Variants in NEGR1 observed in about 807,000 individuals in gnomAD.
The protein encoded by NEGR1 is IgLON family member 4.
Under a neutral mutation model 40.9 loss-of-function variants are expected in NEGR1, and 10 were observed. That is an observed-to-expected ratio of 0.24 (90% CI 0.15 to 0.42). The LOEUF is 0.42. Ranked by LOEUF, NEGR1 falls within the 10% of genes least tolerant of loss-of-function variation. NEGR1 has a pLI of 1.00. For synonymous variants in NEGR1, 185 were observed against 166.8 expected (o/e 1.11, Z -0.84); for missense variants, 352 against 438.9 (o/e 0.80, Z 1.77).
intron 1 of NEGR1, among the ~76,000 whole-genome samples, chr1:72,033,767 T>C (rs1253738808): frequency 6.6e-6 from 1 of 152,162 alleles, no homozygotes; most frequent in Non-Finnish European, 1.5e-5. Flanking sequence ...AGTAAAAGCA[T>C]GGATCTACAT....
intron 2 of NEGR1, among the ~76,000 whole-genome samples, chr1:71,822,886 G>C (rs769464650): frequency 6.6e-6 from 1 of 152,046 alleles, no homozygotes; most frequent in Non-Finnish European, 1.5e-5. Context: ...AATCCAGACT[G>C]CTGACCATAT....
At chr1:71,798,802 C>T (rs1450548976) in intron 2 of NEGR1, among the ~76,000 whole-genome samples, 1 of 152,142 alleles carries the variant, frequency 6.6e-6, no homozygotes. Context: ...CTTAGCTCCT[C>T]ACAGAGCTGA....
intron 2 of NEGR1, among the ~76,000 whole-genome samples, chr1:71,799,668 A>G (rs193296968): frequency 1.3e-4 from 20 of 152,220 alleles, no homozygotes; most frequent in African/African-American, 4.6e-4. Context: ...CCAACAGTAT[A>G]AAAGTGTTCT....
intron 2 of NEGR1, among the ~76,000 whole-genome samples, chr1:71,908,658 T>G (rs1314817060): frequency 1.3e-5 from 2 of 152,328 alleles, no homozygotes; most frequent in Admixed American, 6.5e-5. Flanking sequence ...CCAAAGTCAT[T>G]AACTTCTGGT....
chr1:71,544,765 G>A (rs578208581), intron 6 of NEGR1, among the ~76,000 whole-genome samples: 15 of 151,800 alleles, frequency 9.9e-5, no homozygotes, highest in Admixed American at 7.9e-4. Context: ...TGGTATCAAT[G>A]AGAATAGTTT....
At chr1:72,022,974 C>T (rs1039911271) in intron 1 of NEGR1, among the ~76,000 whole-genome samples, 6 of 152,126 alleles carry the variant, frequency 3.9e-5, no homozygotes, top group Admixed American at 3.9e-4. Flanking sequence ...TGTCCTTCTC[C>T]ATTCATTAAA....
At chr1:71,677,858 A>G (rs1218269317) in intron 4 of NEGR1, among the ~76,000 whole-genome samples, 2 of 152,206 alleles carry the variant, frequency 1.3e-5, no homozygotes, top group Non-Finnish European at 2.9e-5. Context: ...TGAAGAAAGA[A>G]TCAAGATTAT....
chr1:71,420,055 T>C (rs1646384582), intron 6 of NEGR1, among the ~76,000 whole-genome samples: 1 of 152,140 alleles, frequency 6.6e-6, no homozygotes, highest in Non-Finnish European at 1.5e-5. Context: ...TTTGTAGATA[T>C]TGCAAATTTG....
chr1:71,922,054 T>TA (rs1381057278), intron 2 of NEGR1, among the ~76,000 whole-genome samples: 1 of 152,120 alleles, frequency 6.6e-6, no homozygotes, highest in African/African-American at 2.4e-5. Context: ...AAGAAGCCGC[T>TA]AATACTTTTG....
chr1:71,683,702 C>A (rs1173598804), intron 4 of NEGR1, among the ~76,000 whole-genome samples: 2 of 151,158 alleles, frequency 1.3e-5, no homozygotes, highest in Middle Eastern at 3.2e-3. Context: ...TTCCTTCACT[C>A]TGGGTTGTTT....
intron 1 of NEGR1, among the ~76,000 whole-genome samples, chr1:72,214,433 T>G (rs1303023498): frequency 6.6e-6 from 1 of 152,182 alleles, no homozygotes; most frequent in African/African-American, 2.4e-5. Context: ...TTATCTCTGC[T>G]TGCAGATAAC....
intron 2 of NEGR1, among the ~76,000 whole-genome samples, chr1:71,855,614 T>C (rs190740456): frequency 6.6e-6 from 1 of 152,196 alleles, no homozygotes; most frequent in East Asian, 1.9e-4. Flanking sequence ...TATGCTTAAT[T>C]ATCCTTACGG....
chr1:71,910,412 G>A (rs571875757), intron 2 of NEGR1, among the ~76,000 whole-genome samples: 212 of 152,284 alleles, frequency 1.4e-3, no homozygotes, highest in African/African-American at 4.7e-3. Flanking sequence ...AAAGACAGAC[G>A]TGATTATTCT....
intron 1 of NEGR1, among the ~76,000 whole-genome samples, chr1:72,264,391 T>C (rs1044660849): frequency 1.3e-5 from 2 of 151,088 alleles, no homozygotes; most frequent in Non-Finnish European, 3.0e-5. Flanking sequence ...TTCAAAGATA[T>C]GAAAGAAATA....
At chr1:71,686,608 G>A (rs984477039) in intron 4 of NEGR1, among the ~76,000 whole-genome samples, 5 of 152,160 alleles carry the variant, frequency 3.3e-5, no homozygotes, top group Admixed American at 6.5e-5. Flanking sequence ...CTCAGTCACA[G>A]GGCCAAAGCT....
At position 71,907,728 on chromosome 1, in the gene NEGR1, T is replaced by C. The variant is rs72931791; in HGVS notation, c.409+27351A>G. 4.9e-3 allele frequency among the ~76,000 whole-genome samples: 747 copies of C among 152,220 alleles called. 3 individuals carry two copies. The highest frequency in any genetic ancestry group is 0.015 in the African/African-American group (625 of 41,546). On this transcript the variant is annotated intron_variant, in intron 2 of 6. Coordinates refer to ENST00000357731, the MANE Select transcript of NEGR1 (RefSeq NM_173808.3). ...ACGTTCATTGCAGCACTACTCATCATAGAAAAGACATGAAATCAACCTAGG... is the reference window on the plus strand; with the variant it reads ...ACGTTCATTGCAGCACTACTCATCACAGAAAAGACATGAAATCAACCTAGG...
At chr1:72,154,787 T>C (rs1315978460) in intron 1 of NEGR1, among the ~76,000 whole-genome samples, 1 of 152,028 alleles carries the variant, frequency 6.6e-6, no homozygotes, top group Non-Finnish European at 1.5e-5. Flanking sequence ...AGTTACTAAA[T>C]GTCTACAGGT....
chr1:72,210,586 G>T (rs1239572643), intron 1 of NEGR1, among the ~76,000 whole-genome samples: 3 of 151,830 alleles, frequency 2.0e-5, no homozygotes, highest in African/African-American at 7.2e-5. Context: ...AATTTTTGTT[G>T]CAAAGTTGAA....
intron 3 of NEGR1, among the ~76,000 whole-genome samples, chr1:71,764,763 T>A (rs1213422970): frequency 6.6e-6 from 1 of 152,186 alleles, no homozygotes; most frequent in Non-Finnish European, 1.5e-5. Flanking sequence ...TAATTCCACA[T>A]TGACTATTCT....
Sources: gnomAD v4.1 joint callset for allele counts (sites outside exome capture counted in the v4.1 genomes callset) on GRCh38, gnomAD v4.1.1 for gene constraint, MANE v1.5 for transcripts, NCBI Gene and HGNC (gene_info 2026-07-23, HGNC 2026-07-21) for gene names.